The following SETD5 variants were observed in gnomAD, a reference collection of about 807,000 sequenced individuals.
The protein encoded by SETD5 is SET domain containing 5.
A neutral mutation model predicts 153.3 loss-of-function variants in SETD5; 44 were observed. The observed-to-expected ratio is 0.29, with a 90% CI of 0.23 to 0.37. The LOEUF (loss-of-function observed/expected upper bound fraction) is 0.37, where lower values mean the gene tolerates loss of function less well. Ranked by LOEUF, SETD5 falls within the 10% of genes least tolerant of loss-of-function variation. The pLI is 1.00. For missense variants in SETD5, 1,544 were observed against 1,768.0 expected (o/e 0.87, Z 2.27); for synonymous variants, 716 against 645.2 (o/e 1.11, Z -1.66).
At chr3:9,471,356 G>A (rs574008706) in intron 19 of SETD5, among the ~76,000 whole-genome samples, 44 of 152,328 alleles carry the variant, frequency 2.9e-4, no homozygotes, top group African/African-American at 1.0e-3. Context: ...GAAGGACCAG[G>A]ATACTACCCA....
In SETD5 at chr3:9,477,688, T is replaced by A. The variant is rs558189001; in HGVS notation, c.*1597T>A. 1.3e-5 allele frequency: 2 copies of A among 152,036 alleles called. No individual in the cohort carries two copies. Among genetic ancestry groups the A allele is most frequent in the South Asian group, 4.2e-4 (2 of 4,810 alleles). 9.4% of individuals were successfully genotyped at this position (152,036 alleles called of 1,614,324 possible). On this transcript the variant is annotated 3_prime_UTR_variant, in exon 23 of 23. Coordinates refer to ENST00000402198, the MANE Select transcript of SETD5 (RefSeq NM_001080517.3). ...GCTCAAATGAGGGGAGATTTTTTTT[T>A]TTTTTTTTTTTTTAAATGCTGAGAC...
At chr3:9,441,037 C>T (rs1346374365) in intron 8 of SETD5, among the ~76,000 whole-genome samples, 1 of 151,916 alleles carries the variant, frequency 6.6e-6, no homozygotes, top group East Asian at 1.9e-4. Flanking sequence ...CATAGTGAGA[C>T]CCTCTCTTTA....
chr3:9,446,392 T>G (rs1013584809), intron 13 of SETD5, among the ~76,000 whole-genome samples: 1 of 151,962 alleles, frequency 6.6e-6, no homozygotes, highest in South Asian at 2.1e-4. Context: ...TAGGTTTTTG[T>G]GAGTTCTGAA....
At chr3:9,457,768 G>A (rs1412423416) in intron 17 of SETD5, among the ~76,000 whole-genome samples, 5 of 146,456 alleles carry the variant, frequency 3.4e-5, no homozygotes, top group Admixed American at 6.8e-5. Flanking sequence ...TGAATCATAC[G>A]TGAGCCTTTG....
intron 7 of SETD5, among the ~76,000 whole-genome samples, chr3:9,437,522 C>CGCGTGTGTGT (rs1553619050): frequency 6.9e-6 from 1 of 145,026 alleles, no homozygotes; most frequent in African/African-American, 2.6e-5. Flanking sequence ...TCCTCCTTTA[C>CGCGTGTGTGT]GTGTGTGTGT....
At chr3:9,446,422 G>T (rs1245163659) in intron 13 of SETD5, among the ~76,000 whole-genome samples, 3 of 150,760 alleles carry the variant, frequency 2.0e-5, no homozygotes, top group Admixed American at 1.3e-4. Flanking sequence ...AACCCTTTTA[G>T]TCATATGAAC....
chr3:9,459,448 T>A (rs1292387852), intron 17 of SETD5, among the ~76,000 whole-genome samples: 2 of 152,014 alleles, frequency 1.3e-5, no homozygotes, highest in Admixed American at 6.6e-5. Context: ...AGATTTGTGA[T>A]CTTACCTAGC....
At chr3:9,418,970 G>A (rs146987357) in intron 1 of SETD5, among the ~76,000 whole-genome samples, 5 of 152,100 alleles carry the variant, frequency 3.3e-5, no homozygotes, top group Admixed American at 3.3e-4. Context: ...GGGATTACAG[G>A]TGTCCACCAC....
intron 17 of SETD5, among the ~76,000 whole-genome samples, chr3:9,454,887 A>C (rs2043044586): frequency 6.6e-6 from 1 of 152,054 alleles, no homozygotes; most frequent in Admixed American, 6.5e-5. Context: ...CAGTTTTTTA[A>C]ATATTAGACA....
rs1046383643 is a variant in SETD5, at chr3:9,476,067, C to A, written c.4305C>A (p.Val1435=). ...TCCAGCCACTGCAAGGGTCAGGAGT[C>A]AAGACTCAGACGGGACTTTCCTAGG... ...YRLQPLQGSG[V]KTQTGLS is the part of the protein sequence containing the mutation. Residue 1435 remains valine, a synonymous_variant, in exon 23 of 23, where the codon GTC becomes GTA. Transcript: ENST00000402198. The A allele has an allele frequency of 1.2e-6, 2 of 1,613,532 alleles. No individual in the cohort carries two copies. Among genetic ancestry groups the A allele is most frequent in the African/African-American group, 2.7e-5 (2 of 74,900 alleles).
At chr3:9,469,276 T>C (rs905299213) in intron 18 of SETD5, among the ~76,000 whole-genome samples, 1 of 152,198 alleles carries the variant, frequency 6.6e-6, no homozygotes, top group African/African-American at 2.4e-5. Context: ...CCTACTGCTG[T>C]GGATATGTCA....
intron 2 of SETD5, among the ~76,000 whole-genome samples, chr3:9,427,048 A>T (rs370725282): frequency 3.9e-5 from 6 of 152,010 alleles, no homozygotes; most frequent in Admixed American, 2.0e-4. Context: ...TGGCTGGCTG[A>T]TATTTTTTTA....
intron 18 of SETD5, among the ~76,000 whole-genome samples, chr3:9,467,734 A>G (rs1290278906): frequency 1.3e-5 from 2 of 151,788 alleles, no homozygotes; most frequent in African/African-American, 4.8e-5. Context: ...TCCATTAAGC[A>G]CTCACTGCTC....
chr3:9,418,732 G>A (rs112790126), intron 1 of SETD5, among the ~76,000 whole-genome samples: 76 of 151,888 alleles, frequency 5.0e-4, no homozygotes, highest in African/African-American at 1.7e-3. Flanking sequence ...GAACCCGGGA[G>A]GTGGAGGTTG....
intron 3 of SETD5, among the ~76,000 whole-genome samples, chr3:9,429,624 T>C (rs541634329): frequency 1.3e-5 from 2 of 152,182 alleles, no homozygotes; most frequent in African/African-American, 2.4e-5. Context: ...CCTAAAATTA[T>C]ACTCTCAATT....
intron 17 of SETD5, among the ~76,000 whole-genome samples, chr3:9,461,668 C>A (rs2043966945): frequency 6.6e-6 from 1 of 152,162 alleles, no homozygotes; most frequent in South Asian, 2.1e-4. Flanking sequence ...AATACAGTAT[C>A]ATAATAAGTA....
At chr3:9,470,954 G>A (rs758853682) in intron 19 of SETD5, 25 bp downstream of exon 19, 20 of 1,310,284 alleles carry the variant, frequency 1.5e-5, no homozygotes, top group Middle Eastern at 2.3e-4. Context: ...TTATATCGGC[G>A]AACTTTTCAA....
intron 18 of SETD5, 54 bp downstream of exon 18, chr3:9,464,726 C>T: frequency 1.2e-6 from 2 of 1,611,342 alleles, no homozygotes; most frequent in Non-Finnish European, 1.7e-6. Context: ...TCATTTGTAC[C>T]TTCTCATTTC....
At chr3:9,398,909 C>A (rs1314601443) in intron 1 of SETD5, among the ~76,000 whole-genome samples, 1 of 152,208 alleles carries the variant, frequency 6.6e-6, no homozygotes, top group African/African-American at 2.4e-5. Flanking sequence ...ATGCTGCAGT[C>A]AGCTCTGCTG....
Sources: allele counts gnomAD v4.1 joint callset (sites outside exome capture counted in the v4.1 genomes callset), GRCh38; gene constraint gnomAD v4.1.1; transcripts MANE v1.5; gene names NCBI Gene and HGNC (gene_info 2026-07-23, HGNC 2026-07-21).